PLCB1: variants seen among roughly 807,000 people sequenced by gnomAD.
The protein encoded by PLCB1 is phospholipase C beta 1, also known as 1-phosphatidylinositol 4,5-bisphosphate phosphodiesterase beta-1.
In PLCB1, 46 loss-of-function variants were observed where a neutral mutation model predicts 161.8. The ratio of observed to expected loss-of-function variants is 0.28; its 90% CI spans 0.22 to 0.36. The LOEUF (loss-of-function observed/expected upper bound fraction) is 0.36. Among genes scored for constraint, PLCB1 ranks in the 10% least tolerant of loss-of-function variants. The pLI, the probability that PLCB1 is intolerant of heterozygous loss-of-function variation, is 1.00. For missense variants in PLCB1, 1,016 were observed against 1,472.5 expected (o/e 0.69, Z 5.07); for synonymous variants, 517 against 503.7 (o/e 1.03, Z -0.35).
At chr20:8,429,040 A>G (rs1979916354) in intron 3 of PLCB1, among the ~76,000 whole-genome samples, 1 of 152,144 alleles carries the variant, frequency 6.6e-6, no homozygotes, top group Non-Finnish European at 1.5e-5. Flanking sequence ...TATCCCCAGA[A>G]AGAATGAGAG....
chr20:8,438,995 AGCGACGT>A (rs1394476527), intron 3 of PLCB1, among the ~76,000 whole-genome samples: 2 of 152,190 alleles, frequency 1.3e-5, no homozygotes, highest in Admixed American at 1.3e-4. Flanking sequence ...AAGGAGAGTC[AGCGACGT>A]GCTCTCGTAA....
intron 8 of PLCB1, 96 bp from the exon 9 acceptor site, chr20:8,658,442 C>G (rs1989526349): frequency 9.8e-6 from 9 of 922,388 alleles, no homozygotes; most frequent in Non-Finnish European, 1.5e-5. Context: ...ATTTTCTTAT[C>G]AAGTATAAGA....
intron 3 of PLCB1, among the ~76,000 whole-genome samples, chr20:8,607,216 C>T (rs921036681): frequency 6.6e-6 from 1 of 152,156 alleles, no homozygotes; most frequent in Non-Finnish European, 1.5e-5. Flanking sequence ...CTCCATAGAC[C>T]TCACATTAGT....
At chr20:8,573,655 A>G (rs1347966886) in intron 3 of PLCB1, among the ~76,000 whole-genome samples, 3 of 152,222 alleles carry the variant, frequency 2.0e-5, no homozygotes, top group Admixed American at 6.5e-5. Flanking sequence ...CTGTAAAAAG[A>G]CCAAGTTCTA....
intron 2 of PLCB1, among the ~76,000 whole-genome samples, chr20:8,153,091 CAG>C (rs923756293): frequency 6.6e-6 from 1 of 152,084 alleles, no homozygotes; most frequent in Non-Finnish European, 1.5e-5. Flanking sequence ...ACAAAGAAGA[CAG>C]CACAGATGAT....
At chr20:8,863,196 T>C (rs1456173253) in intron 31 of PLCB1, among the ~76,000 whole-genome samples, 7 of 152,202 alleles carry the variant, frequency 4.6e-5, no homozygotes, top group Non-Finnish European at 8.8e-5. Context: ...CTAACAATCA[T>C]TAGCTTCAAA....
intron 3 of PLCB1, among the ~76,000 whole-genome samples, chr20:8,571,002 C>T (rs1368826548): frequency 6.6e-6 from 1 of 152,038 alleles, no homozygotes; most frequent in Non-Finnish European, 1.5e-5. Context: ...TCCTGTGAAG[C>T]AGAGCCATGG....
intron 3 of PLCB1, among the ~76,000 whole-genome samples, chr20:8,607,665 A>G (rs1293908679): frequency 6.6e-6 from 1 of 151,950 alleles, no homozygotes; most frequent in Non-Finnish European, 1.5e-5. Flanking sequence ...TTTTATTTTC[A>G]TCATTGACTT....
At chr20:8,242,753 C>T (rs1420960009) in intron 2 of PLCB1, among the ~76,000 whole-genome samples, 1 of 151,780 alleles carries the variant, frequency 6.6e-6, no homozygotes, top group Non-Finnish European at 1.5e-5. Context: ...CTTTTAGCTC[C>T]AGGGATAGGG....
Position 8,199,328 on chromosome 20 carries a change from C to T in PLCB1, c.177+48957C>T, listed in dbSNP as rs189799900. 2.5e-3 allele frequency among the ~76,000 whole-genome samples: 378 copies of T among 152,074 alleles called. 2 individuals carry two copies. Among genetic ancestry groups the T allele is most frequent in the African/African-American group, 8.6e-3 (355 of 41,480 alleles). ...CAGATGTTTCCCTTTGGGTAAAAGC[C>T]TAGAATTGGAATTATTAAGTCAAGT... On this transcript the variant is annotated intron_variant, in intron 2 of 31. Transcript: ENST00000338037.
At chr20:8,217,013 GTCAC>G in intron 2 of PLCB1, among the ~76,000 whole-genome samples, 1 of 152,222 alleles carries the variant, frequency 6.6e-6, no homozygotes, top group South Asian at 2.1e-4. Flanking sequence ...GAGGTGCTTT[GTCAC>G]TCACCTTCTC....
At chr20:8,770,777 T>C (rs1010902107) in intron 26 of PLCB1, among the ~76,000 whole-genome samples, 1 of 152,236 alleles carries the variant, frequency 6.6e-6, no homozygotes, top group African/African-American at 2.4e-5. Flanking sequence ...GATATGCATT[T>C]ATCTCAGTGA....
chr20:8,336,831 C>A (rs529253850), intron 2 of PLCB1, among the ~76,000 whole-genome samples: 1 of 152,150 alleles, frequency 6.6e-6, no homozygotes, highest in Admixed American at 6.5e-5. Context: ...CATTATTCAT[C>A]ATTTTTTTTC....
At chr20:8,820,513 C>T (rs1234211588) in intron 31 of PLCB1, among the ~76,000 whole-genome samples, 1 of 152,036 alleles carries the variant, frequency 6.6e-6, no homozygotes, top group Admixed American at 6.6e-5. Flanking sequence ...GCATCTGGGA[C>T]AACTGTAAAC....
At chr20:8,516,402 C>T (rs1456726642) in intron 3 of PLCB1, among the ~76,000 whole-genome samples, 1 of 152,074 alleles carries the variant, frequency 6.6e-6, no homozygotes, top group Non-Finnish European at 1.5e-5. Flanking sequence ...CAAAGCAAGT[C>T]ACATGGCCAA....
intron 18 of PLCB1, among the ~76,000 whole-genome samples, chr20:8,732,702 T>C (rs1980322984): frequency 7.0e-6 from 1 of 143,758 alleles, no homozygotes; most frequent in African/African-American, 2.6e-5. Flanking sequence ...GAATGATATA[T>C]TTAATATATC....
intron 2 of PLCB1, among the ~76,000 whole-genome samples, chr20:8,362,509 A>G (rs1201507501): frequency 6.6e-6 from 1 of 152,220 alleles, no homozygotes; most frequent in Admixed American, 6.5e-5. Flanking sequence ...CTCTTAATAA[A>G]GCCGTGGTGC....
intron 10 of PLCB1, among the ~76,000 whole-genome samples, chr20:8,685,570 C>CAAAAAA (rs72078385): frequency 8.2e-6 from 1 of 121,614 alleles, no homozygotes; most frequent in Admixed American, 9.1e-5. Flanking sequence ...ACTAAAAATA[C>CAAAAAA]AAAAAAAAAA....
At chr20:8,155,984 C>T (rs1037538816) in intron 2 of PLCB1, among the ~76,000 whole-genome samples, 7 of 152,068 alleles carry the variant, frequency 4.6e-5, no homozygotes, top group African/African-American at 1.7e-4. Context: ...GGACTAAGTC[C>T]TTTCCTTCAC....
Sources: allele counts gnomAD v4.1 joint callset (sites outside exome capture counted in the v4.1 genomes callset), GRCh38; gene constraint gnomAD v4.1.1; transcripts MANE v1.5; gene names NCBI Gene and HGNC (gene_info 2026-07-23, HGNC 2026-07-21).